STPG2: variants seen among roughly 807,000 people sequenced by gnomAD.
The protein encoded by STPG2 is sperm-tail PG-rich repeat-containing protein 2.
Under a neutral mutation model 54.2 loss-of-function variants are expected in STPG2, and 56 were observed. The observed-to-expected ratio is 1.03, with a 90% CI of 0.83 to 1.29. The LOEUF (loss-of-function observed/expected upper bound fraction) is 1.29, where lower values mean the gene tolerates loss of function less well. Among genes scored for constraint, STPG2 ranks in the 50% most tolerant of loss-of-function variants. STPG2 has a pLI of 0.00. For synonymous variants in STPG2, 200 were observed against 181.8 expected, an observed-to-expected ratio of 1.10 and a Z score of -0.81; for missense variants, 596 against 544.9, an observed-to-expected ratio of 1.09 and a Z score of -0.93.
chr4:97,563,545 G>A (rs1257551812), intron 10 of STPG2, among the ~76,000 whole-genome samples: 2 of 151,964 alleles, frequency 1.3e-5, no homozygotes, highest in African/African-American at 4.8e-5. Flanking sequence ...TGTCAATTTT[G>A]GATCTTTCCT....
chr4:97,604,506 T>C (rs1733543939), intron 10 of STPG2, among the ~76,000 whole-genome samples: 1 of 151,708 alleles, frequency 6.6e-6, no homozygotes, highest in African/African-American at 2.4e-5. Flanking sequence ...GATGCCCCTC[T>C]TGAGCAATTA....
chr4:98,013,580 CTTTTTTTTTTTTTT>C (rs34198207), intron 5 of STPG2, among the ~76,000 whole-genome samples: 1 of 74,586 alleles, frequency 1.3e-5, no homozygotes, highest in Admixed American at 2.0e-4. Context: ...TGGTCCTGGG[CTTTTTTTTTTTTTT>C]TTTTTTTTTT....
intron 4 of STPG2, among the ~76,000 whole-genome samples, chr4:97,505,075 G>A (rs1359490824): frequency 1.3e-5 from 2 of 151,684 alleles, no homozygotes; most frequent in Non-Finnish European, 2.9e-5. Context: ...ATCTAAGTAG[G>A]ATCTTTAGCC....
intron 8 of STPG2, among the ~76,000 whole-genome samples, chr4:97,866,143 T>C (rs1309310157): frequency 6.6e-6 from 1 of 151,798 alleles, no homozygotes; most frequent in Non-Finnish European, 1.5e-5. Flanking sequence ...GTGGTAAAAA[T>C]ATGGTTAGAT....
chr4:98,051,038 T>A (rs1268280857), intron 5 of STPG2, among the ~76,000 whole-genome samples: 4 of 149,962 alleles, frequency 2.7e-5, no homozygotes, highest in African/African-American at 9.8e-5. Flanking sequence ...AAAAAATTGA[T>A]GTCAGGAAGA....
intron 8 of STPG2, among the ~76,000 whole-genome samples, chr4:97,853,372 C>T (rs1010715956): frequency 3.3e-5 from 5 of 152,000 alleles, no homozygotes; most frequent in Admixed American, 1.3e-4. Flanking sequence ...TTCATGTATA[C>T]GTATGTAACA....
intron 4 of STPG2, among the ~76,000 whole-genome samples, chr4:97,450,584 G>A (rs1729340304): frequency 6.6e-6 from 1 of 152,024 alleles, no homozygotes; most frequent in Non-Finnish European, 1.5e-5. Flanking sequence ...GGGGAATAGG[G>A]TCAGGGGAGG....
intron 8 of STPG2, among the ~76,000 whole-genome samples, chr4:97,912,775 A>G (rs956662097): frequency 1.1e-4 from 17 of 152,246 alleles, no homozygotes; most frequent in African/African-American, 4.1e-4. Context: ...ACTGCAGGAT[A>G]TCATCTAGGA....
intron 8 of STPG2, among the ~76,000 whole-genome samples, chr4:97,862,245 A>G (rs573700697): frequency 7.6e-4 from 115 of 151,944 alleles, no homozygotes; most frequent in Non-Finnish European, 1.3e-3. Context: ...AAAGGGATGG[A>G]GGAAGATCTA....
intron 9 of STPG2, among the ~76,000 whole-genome samples, chr4:97,808,511 C>T (rs2149095283): frequency 6.6e-6 from 1 of 151,074 alleles, no homozygotes; most frequent in Non-Finnish European, 1.5e-5. Context: ...TTTCAAAATC[C>T]TAAAAATACT....
intron 9 of STPG2, among the ~76,000 whole-genome samples, chr4:97,726,531 A>G (rs534927422): frequency 5.3e-4 from 80 of 152,090 alleles, no homozygotes; most frequent in African/African-American, 1.9e-3. Flanking sequence ...CTAAATTAAA[A>G]AGTGACAAAA....
intron 10 of STPG2, among the ~76,000 whole-genome samples, chr4:97,655,810 C>T (rs1427629509): frequency 2.0e-5 from 3 of 152,036 alleles, no homozygotes; most frequent in Non-Finnish European, 4.4e-5. Context: ...TTCTTAATGC[C>T]TTGTCATATT....
chr4:97,570,883 G>A (rs1031240897), intron 10 of STPG2, among the ~76,000 whole-genome samples: 3 of 152,030 alleles, frequency 2.0e-5, no homozygotes, highest in African/African-American at 7.2e-5. Flanking sequence ...TGAAATATAC[G>A]CATTCATAAA....
At chr4:97,815,569 G>T (rs1196938493) in intron 9 of STPG2, among the ~76,000 whole-genome samples, 1 of 152,090 alleles carries the variant, frequency 6.6e-6, no homozygotes, top group Non-Finnish European at 1.5e-5. Flanking sequence ...AACATAAGAT[G>T]TAATGACTTT....
intron 8 of STPG2, among the ~76,000 whole-genome samples, chr4:97,914,304 TG>T (rs1345669606): frequency 1.3e-5 from 2 of 152,148 alleles, no homozygotes; most frequent in African/African-American, 4.8e-5. Context: ...ATTGTAATAG[TG>T]GTCCACCATC....
At chr4:97,754,531 G>A (rs1202579691) in intron 9 of STPG2, among the ~76,000 whole-genome samples, 2 of 152,084 alleles carry the variant, frequency 1.3e-5, no homozygotes, top group African/African-American at 4.8e-5. Context: ...TTATAATTAT[G>A]TGTTTTAGCA....
At chr4:97,859,082 C>A (rs539313066) in intron 8 of STPG2, among the ~76,000 whole-genome samples, 1 of 152,158 alleles carries the variant, frequency 6.6e-6, no homozygotes, top group African/African-American at 2.4e-5. Context: ...TAAATTATGG[C>A]CATTCTTGCA....
At chr4:97,492,743 G>A (rs1379190026) in intron 4 of STPG2, among the ~76,000 whole-genome samples, 1 of 150,792 alleles carries the variant, frequency 6.6e-6, no homozygotes, top group African/African-American at 2.4e-5. Context: ...GCAAGGTATA[G>A]GATACTAAAT....
chr4:98,110,834 A>G (rs1739326844), intron 3 of STPG2, among the ~76,000 whole-genome samples: 1 of 152,112 alleles, frequency 6.6e-6, no homozygotes, highest in Admixed American at 6.6e-5. Context: ...TTACTATTCT[A>G]CAGCAGTGGA....
Sources: gnomAD v4.1 joint callset for allele counts (sites outside exome capture counted in the v4.1 genomes callset) on GRCh38, gnomAD v4.1.1 for gene constraint, MANE v1.5 for transcripts, NCBI Gene and HGNC (gene_info 2026-07-23, HGNC 2026-07-21) for gene names.